Variants in SFMBT1 observed in about 807,000 individuals in gnomAD.
The protein encoded by SFMBT1 is Scm like with four mbt domains 1.
In SFMBT1, 32 loss-of-function variants were observed where a neutral mutation model predicts 108.7. That is an observed-to-expected ratio of 0.29 (90% confidence interval 0.22 to 0.40). The LOEUF (loss-of-function observed/expected upper bound fraction) is 0.40, where lower values mean the gene tolerates loss of function less well. SFMBT1 is among the 10% of genes least tolerant of loss of function. The pLI, the probability that SFMBT1 is intolerant of heterozygous loss-of-function variation, is 1.00. For synonymous variants in SFMBT1, 348 were observed against 369.5 expected, an observed-to-expected ratio of 0.94 and a Z score of 0.67; for missense variants, 816 against 1,059.6, an observed-to-expected ratio of 0.77 and a Z score of 3.19.
At chr3:52,940,865 C>T (rs1037646986) in intron 4 of SFMBT1, among the ~76,000 whole-genome samples, 2 of 152,080 alleles carry the variant, frequency 1.3e-5, no homozygotes, top group Non-Finnish European at 2.9e-5. Context: ...TAAGGCAAAT[C>T]AATAGCATGT....
At chr3:52,945,142 A>AAAAAAAAAAAAAAAAAAAAAAAC (rs1559521034) in intron 3 of SFMBT1, among the ~76,000 whole-genome samples, 2 of 147,030 alleles carry the variant, frequency 1.4e-5, no homozygotes, top group Non-Finnish European at 3.0e-5. Flanking sequence ...CAATTAAAAA[A>AAAAAAAAAAAAAAAAAAAAAAAC]AAAAAAAAAC....
At chr3:52,930,278 A>C (rs1702815796) in intron 8 of SFMBT1, 51 bp downstream of exon 8, 1 of 1,160,304 alleles carries the variant, frequency 8.6e-7, no homozygotes, top group Non-Finnish European at 1.3e-6. Flanking sequence ...CCATTTCCTA[A>C]ACCAGTCACC....
At chr3:53,004,846 T>A (rs997957113) in intron 1 of SFMBT1, among the ~76,000 whole-genome samples, 1 of 152,006 alleles carries the variant, frequency 6.6e-6, no homozygotes, top group Non-Finnish European at 1.5e-5. Flanking sequence ...CCGGAAAGAA[T>A]GAGAAGGGAA....
intron 1 of SFMBT1, among the ~76,000 whole-genome samples, chr3:52,995,295 T>C (rs1456496932): frequency 1.3e-5 from 2 of 150,080 alleles, no homozygotes; most frequent in Non-Finnish European, 3.0e-5. Context: ...ACATAAAAAC[T>C]CAAAATGGAC....
intron 4 of SFMBT1, among the ~76,000 whole-genome samples, chr3:52,935,445 T>C (rs576871779): frequency 6.6e-6 from 1 of 152,344 alleles, no homozygotes; most frequent in Admixed American, 6.5e-5. Flanking sequence ...TTGACAGAGA[T>C]TGTATGACTA....
chr3:52,980,931 G>A (rs896992430), intron 1 of SFMBT1, among the ~76,000 whole-genome samples: 55 of 152,208 alleles, frequency 3.6e-4, no homozygotes, highest in Admixed American at 3.3e-4. Context: ...GGGAGGCCGA[G>A]GCGGGTGGAT....
chr3:52,912,962 A>AT (rs1702251553), intron 15 of SFMBT1, among the ~76,000 whole-genome samples: 1 of 152,248 alleles, frequency 6.6e-6, no homozygotes, highest in African/African-American at 2.4e-5. Flanking sequence ...AGAAAATTAT[A>AT]TTTGTTTGGA....
At chr3:52,995,077 G>A (rs1448987200) in intron 1 of SFMBT1, among the ~76,000 whole-genome samples, 2 of 147,744 alleles carry the variant, frequency 1.4e-5, no homozygotes, top group Admixed American at 6.8e-5. Context: ...AGAAAAGCCT[G>A]TACACTGAAA....
intron 1 of SFMBT1, among the ~76,000 whole-genome samples, chr3:53,031,810 C>A (rs548449371): frequency 4.6e-5 from 7 of 152,228 alleles, no homozygotes; most frequent in African/African-American, 1.7e-4. Flanking sequence ...GTTTATCTCT[C>A]CCACAAGGGA....
intron 1 of SFMBT1, among the ~76,000 whole-genome samples, chr3:53,003,691 G>GC (rs1037029545): frequency 6.8e-6 from 1 of 147,044 alleles, no homozygotes; most frequent in African/African-American, 2.5e-5. Context: ...GTGACTGACA[G>GC]CATTATATTC....
At chr3:52,976,549 T>A (rs1357142077) in intron 1 of SFMBT1, among the ~76,000 whole-genome samples, 1 of 152,152 alleles carries the variant, frequency 6.6e-6, no homozygotes, top group Non-Finnish European at 1.5e-5. Context: ...CATACGTGAA[T>A]ATGGTTATAG....
At chr3:52,948,190 G>A (rs972861356) in intron 3 of SFMBT1, among the ~76,000 whole-genome samples, 4 of 152,114 alleles carry the variant, frequency 2.6e-5, no homozygotes, top group African/African-American at 7.2e-5. Flanking sequence ...GGGTTTATTT[G>A]TTTCAACATG....
At chr3:52,960,095 T>C (rs1254048135) in intron 2 of SFMBT1, among the ~76,000 whole-genome samples, 1 of 151,646 alleles carries the variant, frequency 6.6e-6, no homozygotes, top group African/African-American at 2.4e-5. Context: ...TACACAGCAG[T>C]TGAAATGAAT....
chr3:52,953,998 G>GC (rs1361862166), intron 3 of SFMBT1, among the ~76,000 whole-genome samples: 4 of 152,026 alleles, frequency 2.6e-5, no homozygotes, highest in African/African-American at 9.7e-5. Flanking sequence ...GGTGGCAGGC[G>GC]CCTGTAGTCC....
intron 1 of SFMBT1, among the ~76,000 whole-genome samples, chr3:52,993,059 A>C (rs1705193676): frequency 6.6e-6 from 1 of 152,210 alleles, no homozygotes; most frequent in Non-Finnish European, 1.5e-5. Flanking sequence ...AATTATTTAA[A>C]GATTTCCCAA....
In SFMBT1 at chr3:52,905,071, T is replaced by C. The variant is rs960686872; in HGVS notation, c.*65A>G. ...CCCAGGACTATTCCAGCTCCACTTA[T>C]AAAGCAGGGTGAAGGATTTGCTGCA... On this transcript the variant is annotated 3_prime_UTR_variant, in exon 21 of 21. Transcript: ENST00000394752. 4.4e-6 allele frequency: 7 copies of C among 1,585,472 alleles called. No homozygotes were observed. Among genetic ancestry groups the C allele is most frequent in the Middle Eastern group, 3.4e-4 (2 of 5,924 alleles).
chr3:53,021,152 C>CT (rs1699292719), intron 1 of SFMBT1, among the ~76,000 whole-genome samples: 1 of 152,228 alleles, frequency 6.6e-6, no homozygotes, highest in East Asian at 1.9e-4. Flanking sequence ...AAGGACATCT[C>CT]TAACAACAAT....
chr3:52,965,119 T>A (rs1192173243), intron 2 of SFMBT1, among the ~76,000 whole-genome samples: 2 of 151,846 alleles, frequency 1.3e-5, no homozygotes, highest in Non-Finnish European at 2.9e-5. Context: ...AAGAGCAAAA[T>A]GCGACATTTT....
intron 1 of SFMBT1, among the ~76,000 whole-genome samples, chr3:52,991,624 G>A (rs889868019): frequency 3.3e-5 from 5 of 152,074 alleles, no homozygotes; most frequent in South Asian, 4.1e-4. Context: ...GATTACAGGC[G>A]TGAGCCACCT....
Sources: allele counts gnomAD v4.1 joint callset (sites outside exome capture counted in the v4.1 genomes callset), GRCh38; gene constraint gnomAD v4.1.1; transcripts MANE v1.5; gene names NCBI Gene and HGNC (gene_info 2026-07-23, HGNC 2026-07-21).